CD72: variants seen among roughly 807,000 people sequenced by gnomAD.
CD72 encodes B-cell differentiation antigen CD72.
CD72 carries 28 observed loss-of-function variants against 50.7 expected under a neutral mutation model. The observed-to-expected ratio is 0.55, with a 90% CI of 0.41 to 0.76. The LOEUF (loss-of-function observed/expected upper bound fraction) is 0.76. Among genes scored for constraint, CD72 ranks in the 30% least tolerant of loss-of-function variants. The pLI is 0.00. For synonymous variants in CD72, 176 were observed against 171.2 expected (o/e 1.03, Z -0.22); for missense variants, 403 against 420.6 (o/e 0.96, Z 0.37).
upstream of CD72, chr9:35,618,842 G>A (rs763736593): frequency 3.8e-5 from 41 of 1,092,956 alleles, no homozygotes; most frequent in Non-Finnish European, 4.9e-5. Flanking sequence ...GGGGGTTCCA[G>A]TAACTGGGGG....
intron 5 of CD72, among the ~76,000 whole-genome samples, chr9:35,614,694 G>A (rs1357174926): frequency 6.6e-6 from 1 of 152,048 alleles, no homozygotes; most frequent in East Asian, 1.9e-4. Context: ...TACACTAGAA[G>A]GATAATGGAA....
chr9:35,635,169 G>C (rs768255811), intron 1 of CD72, among the ~76,000 whole-genome samples: 9 of 152,114 alleles, frequency 5.9e-5, no homozygotes, highest in Non-Finnish European at 1.2e-4. Context: ...TATATTCTTA[G>C]AGTTTTGGAA....
At position 35,618,000 on chromosome 9, in the gene CD72, C is replaced by T. The variant is rs758541801; in HGVS notation, c.190+14G>A. ...AGCCCCCCAACAAACACACATCCCC[C>T]AGGCTCTCCAGACCTGCTTTGTCCC... On this transcript the variant is annotated intron_variant, in intron 2 of 8. Transcript: ENST00000259633. The T allele has an allele frequency of 2.0e-6, 3 of 1,506,196 alleles. No homozygotes were observed. The highest frequency in any genetic ancestry group is 2.8e-6 in the Non-Finnish European group (3 of 1,081,466). 93.3% of individuals were successfully genotyped at this position (1,506,196 alleles called of 1,614,324 possible). A position where few individuals can be genotyped will look rare whatever the true frequency, so the allele number is the denominator to read the frequency against.
intron 1 of CD72, among the ~76,000 whole-genome samples, chr9:35,636,536 T>G (rs1314997989): frequency 1.3e-5 from 2 of 152,232 alleles, no homozygotes; most frequent in African/African-American, 4.8e-5. Flanking sequence ...TGTTCCCTCC[T>G]TGTAACAAAA....
intron 1 of CD72, among the ~76,000 whole-genome samples, chr9:35,643,863 A>T (rs901248933): frequency 6.6e-6 from 1 of 152,010 alleles, no homozygotes; most frequent in Non-Finnish European, 1.5e-5. Context: ...CAATAATCCC[A>T]GCTACTCCAG....
At chr9:35,615,835 T>C (rs775646753) in intron 5 of CD72, 108 bp downstream of exon 5, 39 of 835,846 alleles carry the variant, frequency 4.7e-5, no homozygotes, top group Non-Finnish European at 7.3e-5. Context: ...TCTGGTTCAC[T>C]GCCCCTTTCC....
At chr9:35,612,818 A>C in intron 6 of CD72, 30 bp downstream of exon 6, 5 of 1,601,352 alleles carry the variant, frequency 3.1e-6, no homozygotes, top group Non-Finnish European at 3.4e-6. Context: ...AATAGTACCC[A>C]CTGCAGTCTG....
chr9:35,624,585 G>T (rs1333344725), intron 1 of CD72, among the ~76,000 whole-genome samples: 1 of 152,068 alleles, frequency 6.6e-6, no homozygotes, highest in Non-Finnish European at 1.5e-5. Flanking sequence ...ATCATGAGGG[G>T]TTAGGGCTGC....
chr9:35,643,306 C>G (rs1823356466), intron 1 of CD72: 1 of 152,618 alleles, frequency 6.6e-6, no homozygotes, highest in Non-Finnish European at 1.5e-5. Flanking sequence ...ATCTGCTCGG[C>G]TTAGCAGCTG....
chr9:35,632,031 T>C (rs1331872379), intron 1 of CD72, among the ~76,000 whole-genome samples: 1 of 152,202 alleles, frequency 6.6e-6, no homozygotes, highest in South Asian at 2.1e-4. Context: ...TTGCAGTCTT[T>C]TCTAAAATAA....
At chr9:35,634,748 T>G (rs1399446459) in intron 1 of CD72, among the ~76,000 whole-genome samples, 1 of 152,118 alleles carries the variant, frequency 6.6e-6, no homozygotes, top group Non-Finnish European at 1.5e-5. Flanking sequence ...ACTTTTACCT[T>G]CCCCTTATCC....
In CD72 at chr9:35,610,694, A is replaced by C; in HGVS notation, c.1010T>G (p.Leu337Arg). ...AGAACTTCTACATGACTCTGACTCC[A>C]GTGTCCACCATGACCAAGTTTTATG... Reference protein sequence around the residue: ...KVHKTWSWWTLESESCRSSLP... With the variant: ...KVHKTWSWWTRESESCRSSLP... Residue 337 changes from leucine (L) to arginine (R), a missense_variant, in exon 8 of 9, where the codon CTG becomes CGG. Physicochemically the swap from Leu to Arg is moderately radical, Grantham distance 102. Transcript: ENST00000259633. The C allele has an allele frequency of 2.5e-6, 4 of 1,612,726 alleles. No homozygotes were observed. Among genetic ancestry groups the C allele is most frequent in the Non-Finnish European group, 3.4e-6 (4 of 1,178,758 alleles).
chr9:35,625,829 G>A (rs1440746268), intron 1 of CD72, among the ~76,000 whole-genome samples: 3 of 152,134 alleles, frequency 2.0e-5, no homozygotes, highest in Non-Finnish European at 4.4e-5. Flanking sequence ...ACAAAGCCTG[G>A]ATGACAGCAC....
intron 1 of CD72, among the ~76,000 whole-genome samples, chr9:35,629,924 T>C (rs1823228073): frequency 6.6e-6 from 1 of 152,260 alleles, no homozygotes; most frequent in Non-Finnish European, 1.5e-5. Flanking sequence ...GTATATACAA[T>C]CACCTTGTTT....
chr9:35,612,038 T>C lies in CD72; in HGVS notation c.835-119A>G, dbSNP rs540296126. The C allele has an allele frequency of 3.5e-4, 220 of 620,060 alleles. No homozygotes were observed. The African/African-American group carries it at 3.8e-3, about 11-fold the overall frequency. 38.4% of individuals were successfully genotyped at this position (620,060 alleles called of 1,614,324 possible). ...GGGGGCTGTATATATGACAGCTCTT[T>C]GGTAACTTGTCCCTGAATCCATCAA... On this transcript the variant is annotated intron_variant, in intron 6 of 8. Coordinates refer to ENST00000259633, the MANE Select transcript of CD72 (RefSeq NM_001782.3).
Position 35,610,674 on chromosome 9 carries a change from T to C in CD72, c.1030A>G (p.Ser344Gly). Reference sequence around the variant, plus strand: ...ATCTCACAGATGTAGGGAAGAGAACTTCTACATGACTCTGACTCCAGTGTC... The same window carrying C: ...ATCTCACAGATGTAGGGAAGAGAACCTCTACATGACTCTGACTCCAGTGTC... The part of the protein sequence containing the change: ...WWTLESESCR[S>G]SLPYICEMTA... Residue 344 changes from serine (S) to glycine (G), a missense_variant, in exon 8 of 9, where the codon AGT (serine) becomes GGT (glycine). Physicochemically the swap from Ser to Gly is moderately conservative, Grantham distance 56. Transcript: ENST00000259633. 6.2e-7 allele frequency: 1 copy of C among 1,613,542 alleles called. No homozygotes were observed. Among genetic ancestry groups the C allele is most frequent in the Non-Finnish European group, 8.5e-7 (1 of 1,179,448 alleles).
chr9:35,639,524 T>C (rs553201817), intron 1 of CD72, among the ~76,000 whole-genome samples: 1 of 152,236 alleles, frequency 6.6e-6, no homozygotes, highest in South Asian at 2.1e-4. Context: ...AAGGAGACAG[T>C]GTAAATTCAG....
chr9:35,636,037 T>C (rs983790301), intron 1 of CD72, among the ~76,000 whole-genome samples: 5 of 152,138 alleles, frequency 3.3e-5, no homozygotes, highest in African/African-American at 1.2e-4. Context: ...GGAATTGGAA[T>C]TGGGGGAGAG....
intron 6 of CD72, 162 bp downstream of exon 6, chr9:35,612,686 T>C (rs1823004789): frequency 7.5e-6 from 5 of 667,552 alleles, no homozygotes; most frequent in Non-Finnish European, 1.3e-5. Context: ...GATGCAGAGG[T>C]TGTTTCCAAG....
Sources: allele counts gnomAD v4.1 joint callset (sites outside exome capture counted in the v4.1 genomes callset), GRCh38; gene constraint gnomAD v4.1.1; transcripts MANE v1.5; gene names NCBI Gene and HGNC (gene_info 2026-07-23, HGNC 2026-07-21).